PTH2R: variants seen among roughly 807,000 people sequenced by gnomAD.
The protein encoded by PTH2R is PTH2 receptor.
In PTH2R, 59 loss-of-function variants were observed where a neutral mutation model predicts 60.3. The observed-to-expected ratio is 0.98, with a 90% CI of 0.79 to 1.22. The LOEUF (loss-of-function observed/expected upper bound fraction) is 1.22. PTH2R is among the 50% of genes most tolerant of loss of function. The probability of loss-of-function intolerance (pLI) is 0.00; values close to 1 mark genes in which losing one functional copy is unlikely to be tolerated. For synonymous variants in PTH2R, 256 were observed against 243.8 expected (o/e 1.05, Z -0.47); for missense variants, 749 against 682.6 (o/e 1.10, Z -1.08).
chr2:208,492,428 A>G (rs1300111435), intron 12 of PTH2R, among the ~76,000 whole-genome samples: 1 of 152,072 alleles, frequency 6.6e-6, no homozygotes, highest in Non-Finnish European at 1.5e-5. Flanking sequence ...TTAAAGGGAG[A>G]ATGAGGGAGG....
intron 9 of PTH2R, among the ~76,000 whole-genome samples, chr2:208,467,531 C>G (rs530804451): frequency 1.2e-4 from 18 of 152,268 alleles, no homozygotes; most frequent in African/African-American, 4.1e-4. Context: ...ATAACTAGTT[C>G]TCAAGTAAAA....
chr2:208,395,611 A>G (rs1334545773), intron 1 of PTH2R, among the ~76,000 whole-genome samples: 1 of 152,128 alleles, frequency 6.6e-6, no homozygotes, highest in Non-Finnish European at 1.5e-5. Context: ...TCACACAGAG[A>G]AAGAGTATGA....
intron 1 of PTH2R, among the ~76,000 whole-genome samples, chr2:208,379,871 AAAGAG>A (rs1301064085): frequency 6.6e-6 from 1 of 151,902 alleles, no homozygotes; most frequent in Non-Finnish European, 1.5e-5. Context: ...AAAAAAAAAA[AAAGAG>A]AGAGAGACCG....
chr2:208,415,076 G>A lies in PTH2R; in HGVS notation c.75+7958G>A, dbSNP rs192595877. 5.9e-5 allele frequency among the ~76,000 whole-genome samples: 9 copies of A among 152,216 alleles called. No individual in the cohort carries two copies. The East Asian group carries it at 9.6e-4, about 16-fold the overall frequency. ...TGAGACCCCAGAACAGACAAAGGAC[G>A]TTAGGTAAAAACTAAGAAAATCTGA... On this transcript the variant is annotated intron_variant, in intron 1 of 12. Transcript: ENST00000272847.
chr2:208,459,845 C>T (rs768178678), intron 8 of PTH2R, 50 bp from the exon 9 acceptor site: 2 of 1,468,684 alleles, frequency 1.4e-6, no homozygotes, highest in Non-Finnish European at 1.9e-6. Context: ...CTTAATACTA[C>T]CCATTTGCTT....
At chr2:208,369,140 A>G (rs1559199726) in intron 1 of PTH2R, among the ~76,000 whole-genome samples, 1 of 152,120 alleles carries the variant, frequency 6.6e-6, no homozygotes, top group African/African-American at 2.4e-5. Context: ...AACTTGGTCA[A>G]TAAATAAAAT....
At chr2:208,398,126 C>T (rs1559208101) in intron 1 of PTH2R, among the ~76,000 whole-genome samples, 1 of 152,060 alleles carries the variant, frequency 6.6e-6, no homozygotes, top group Non-Finnish European at 1.5e-5. Flanking sequence ...CTTTAAGCCA[C>T]AGAAGTCATA....
At chr2:208,480,769 C>T (rs1276396832) in intron 9 of PTH2R, among the ~76,000 whole-genome samples, 1 of 152,126 alleles carries the variant, frequency 6.6e-6, no homozygotes, top group African/African-American at 2.4e-5. Flanking sequence ...AACTATTACC[C>T]TTTGTCCTGC....
intron 10 of PTH2R, among the ~76,000 whole-genome samples, chr2:208,486,940 C>G (rs1703286887): frequency 6.6e-6 from 1 of 152,188 alleles, no homozygotes; most frequent in Non-Finnish European, 1.5e-5. Context: ...AGCCCGTAGG[C>G]TGCAGGGAAG....
At chr2:208,395,111 G>A (rs375473157) in intron 1 of PTH2R, among the ~76,000 whole-genome samples, 2 of 151,504 alleles carry the variant, frequency 1.3e-5, no homozygotes, top group African/African-American at 2.4e-5. Flanking sequence ...GCAGTGGCGC[G>A]ATCTCAGCTC....
intron 1 of PTH2R, among the ~76,000 whole-genome samples, chr2:208,412,295 C>T (rs1320329527): frequency 6.6e-6 from 1 of 152,234 alleles, no homozygotes; most frequent in Admixed American, 6.5e-5. Flanking sequence ...GATCGCACAG[C>T]TGTGCTGCAT....
intron 1 of PTH2R, among the ~76,000 whole-genome samples, chr2:208,394,211 C>T (rs990997894): frequency 1.3e-5 from 2 of 152,104 alleles, no homozygotes; most frequent in Admixed American, 6.5e-5. Context: ...TTGCCTGTCC[C>T]GAAGATAGTA....
intron 1 of PTH2R, among the ~76,000 whole-genome samples, chr2:208,367,197 G>A (rs762114244): frequency 2.0e-5 from 3 of 151,810 alleles, no homozygotes; most frequent in East Asian, 1.9e-4. Flanking sequence ...GGGTTCAAGC[G>A]ATTCTCCTGC....
At chr2:208,464,003 A>G (rs1456683965) in intron 9 of PTH2R, among the ~76,000 whole-genome samples, 1 of 152,246 alleles carries the variant, frequency 6.6e-6, no homozygotes, top group Non-Finnish European at 1.5e-5. Context: ...TATCTACCCA[A>G]AATGGTATAA....
At chr2:208,445,639 C>T (rs573886965) in intron 7 of PTH2R, among the ~76,000 whole-genome samples, 1 of 152,252 alleles carries the variant, frequency 6.6e-6, no homozygotes, top group Admixed American at 6.5e-5. Context: ...TTAGGAGGTG[C>T]TCAGCATAGG....
At chr2:208,489,763 G>A (rs1384708146) in intron 11 of PTH2R, among the ~76,000 whole-genome samples, 1 of 152,122 alleles carries the variant, frequency 6.6e-6, no homozygotes, top group Admixed American at 6.6e-5. Context: ...GGCATACACA[G>A]CCCTGCATGT....
chr2:208,462,138 C>T (rs1332556074), intron 9 of PTH2R, among the ~76,000 whole-genome samples: 1 of 152,188 alleles, frequency 6.6e-6, no homozygotes, highest in African/African-American at 2.4e-5. Context: ...CCCTTGAAGG[C>T]TCTTAACTTA....
chr2:208,439,757 T>C (rs1702146024), intron 4 of PTH2R, among the ~76,000 whole-genome samples: 1 of 152,172 alleles, frequency 6.6e-6, no homozygotes, highest in Non-Finnish European at 1.5e-5. Flanking sequence ...CTGTAGAAAC[T>C]ACCATATAAT....
chr2:208,442,015 A>G lies in PTH2R; in HGVS notation c.412-349A>G, dbSNP rs1702194488. Among the ~76,000 whole-genome samples, 2 of 152,238 alleles carry G rather than the reference A, an allele frequency of 1.3e-5. 1 individual carries two copies. The highest frequency in any genetic ancestry group is 1.3e-4 in the Admixed American group (2 of 15,288). ...TGAATATAAAAAACAGTATGTTGAT[A>G]AAAAAGTATATACTGTAACATGTAA... On this transcript the variant is annotated intron_variant, in intron 4 of 12. Transcript: ENST00000272847.
Sources: allele counts gnomAD v4.1 joint callset (sites outside exome capture counted in the v4.1 genomes callset), GRCh38; gene constraint gnomAD v4.1.1; transcripts MANE v1.5; gene names NCBI Gene and HGNC (gene_info 2026-07-23, HGNC 2026-07-21).